Variants in FAM20C observed in about 807,000 individuals in gnomAD.
The protein encoded by FAM20C is FAM20C golgi associated secretory pathway kinase.
In FAM20C, 40 loss-of-function variants were observed where a neutral mutation model predicts 51.5. The ratio of observed to expected loss-of-function variants is 0.78; its 90% confidence interval spans 0.60 to 1.01. The LOEUF (loss-of-function observed/expected upper bound fraction) is 1.01, where lower values mean the gene tolerates loss of function less well. FAM20C is among the 50% of genes least tolerant of loss of function. The pLI is 0.00. For missense variants in FAM20C, 861 were observed against 844.7 expected (o/e 1.02, Z -0.24); for synonymous variants, 406 against 380.6 (o/e 1.07, Z -0.78).
At chr7:205,900 C>T (rs556905119) in intron 2 of FAM20C, among the ~76,000 whole-genome samples, 5 of 152,120 alleles carry the variant, frequency 3.3e-5, no homozygotes, top group East Asian at 3.9e-4. Context: ...CCTGAGACCT[C>T]GGTTCCTCTG....
At chr7:235,615 C>T (rs1275508141) in intron 3 of FAM20C, among the ~76,000 whole-genome samples, 2 of 152,236 alleles carry the variant, frequency 1.3e-5, no homozygotes, top group East Asian at 1.9e-4. Flanking sequence ...GGGTAGCTGG[C>T]GCTTCCCTGA....
intron 5 of FAM20C, among the ~76,000 whole-genome samples, chr7:253,751 TA>T (rs1344974788): frequency 6.8e-6 from 1 of 147,454 alleles, no homozygotes; most frequent in Non-Finnish European, 1.5e-5. Context: ...GCCCCTTTAA[TA>T]CCCGATTTGG....
intron 2 of FAM20C, among the ~76,000 whole-genome samples, chr7:206,440 T>A (rs975097186): frequency 6.6e-6 from 1 of 151,812 alleles, no homozygotes; most frequent in Non-Finnish European, 1.5e-5. Context: ...CCATCCCACC[T>A]TTGCACCCTC....
rs138087711 is a variant in FAM20C, at chr7:256,614, A to G, written c.1254-40A>G. The G allele has an allele frequency of 2.3e-5, 35 of 1,492,228 alleles. No individual in the cohort carries two copies. The East Asian group carries it at 8.6e-4, about 37-fold the overall frequency. 92.4% of individuals were successfully genotyped at this position (1,492,228 alleles called of 1,614,324 possible). On this transcript the variant is annotated intron_variant, in intron 6 of 9. Coordinates refer to ENST00000313766, the MANE Select transcript of FAM20C (RefSeq NM_020223.4). ...CATGGCACGCGCCGGGCTCCCCAGAATCTGGCCTGGGCCCCCCGTCTCACG... is the reference window on the plus strand; with the variant it reads ...CATGGCACGCGCCGGGCTCCCCAGAGTCTGGCCTGGGCCCCCCGTCTCACG...
chr7:200,763 T>G (rs1462137161), intron 2 of FAM20C, among the ~76,000 whole-genome samples: 1 of 152,160 alleles, frequency 6.6e-6, no homozygotes, highest in African/African-American at 2.4e-5. Flanking sequence ...GACGGGACTT[T>G]GGGCAGTGCT....
intron 3 of FAM20C, among the ~76,000 whole-genome samples, chr7:234,401 C>G (rs1787789725): frequency 6.6e-6 from 1 of 151,982 alleles, no homozygotes; most frequent in African/African-American, 2.4e-5. Context: ...GATCTCGCCT[C>G]ACAGGCAGTG....
intron 1 of FAM20C, chr7:194,025 T>C: frequency 6.1e-6 from 4 of 650,934 alleles, no homozygotes; most frequent in Non-Finnish European, 9.2e-6. Flanking sequence ...CTGTGCCCTG[T>C]GGCTGCTGGT....
chr7:234,876 A>G (rs1055724078), intron 3 of FAM20C, among the ~76,000 whole-genome samples: 1 of 151,966 alleles, frequency 6.6e-6, no homozygotes, highest in East Asian at 1.9e-4. Context: ...ACGGCACTGC[A>G]TGTCTCATGG....
chr7:209,051 G>T, intron 3 of FAM20C, 75 bp downstream of exon 3: 1 of 1,421,156 alleles, frequency 7.0e-7, no homozygotes, highest in Non-Finnish European at 9.7e-7. Context: ...CTTCTGCTGG[G>T]GATGGCCGTG....
intron 2 of FAM20C, among the ~76,000 whole-genome samples, chr7:204,247 G>C (rs1181800333): frequency 6.6e-6 from 1 of 152,226 alleles, no homozygotes; most frequent in African/African-American, 2.4e-5. Flanking sequence ...TGAGAAGCCG[G>C]GATGGAGCCC....
chr7:254,248 G>A (rs760086479), intron 5 of FAM20C, among the ~76,000 whole-genome samples: 11 of 152,176 alleles, frequency 7.2e-5, no homozygotes, highest in Admixed American at 1.3e-4. Context: ...TGTTCACTCC[G>A]CTGGGAAGCG....
intron 3 of FAM20C, among the ~76,000 whole-genome samples, chr7:243,048 A>ACCCG (rs1788002850): frequency 1.8e-4 from 21 of 116,658 alleles, no homozygotes; most frequent in African/African-American, 6.3e-4. Flanking sequence ...TGTGCCACCC[A>ACCCG]GGAGACCTGT....
In FAM20C at chr7:235,494, A is replaced by G. The variant is rs1163814155; in HGVS notation, c.864-10921A>G. On this transcript the variant is annotated intron_variant, in intron 3 of 9. Transcript: ENST00000313766. ...GGTGAAGTTCTATTCCACCCTGCACATAGTCAGCTTGTTTGTTTTAATAAT... is the reference window on the plus strand; with the variant it reads ...GGTGAAGTTCTATTCCACCCTGCACGTAGTCAGCTTGTTTGTTTTAATAAT... Among the ~76,000 whole-genome samples the G allele has an allele frequency of 3.9e-5, 6 of 151,916 alleles. No individual in the cohort carries two copies. In the East Asian group the frequency reaches 9.8e-4, roughly 25 times the overall value.
At chr7:216,684 A>AGTGTGT (rs1176075605) in intron 3 of FAM20C, among the ~76,000 whole-genome samples, 23 of 149,486 alleles carry the variant, frequency 1.5e-4, no homozygotes, top group African/African-American at 5.0e-4. Flanking sequence ...TGTGTGTGAG[A>AGTGTGT]GTGTGTGTGT....
rs191892670 is a variant in FAM20C, at chr7:257,175, G to C, written c.1445+89G>C. The C allele has an allele frequency of 5.9e-4, 733 of 1,249,160 alleles. 4 individuals are homozygous for C. In the African/African-American group the frequency reaches 9.7e-3, roughly 17 times the overall value. The allele number at this position is 1,249,160 out of a possible 1,614,324, so 77.4% of individuals were successfully genotyped here. A position where few individuals can be genotyped will look rare whatever the true frequency, so the allele number is the denominator to read the frequency against. On this transcript the variant is annotated intron_variant, in intron 8 of 9. Coordinates refer to ENST00000313766, the MANE Select transcript of FAM20C (RefSeq NM_020223.4). ...CCACCTGAGACCCTGGGGACGGGGG[G>C]AGCAGACCCTCCAGTGGAGGGATGG...
rs766020600 is a variant in FAM20C, at chr7:259,878, C to T, written c.1653C>T (p.Arg551=). 1.2e-4 allele frequency: 186 copies of T among 1,536,202 alleles called. No homozygotes were observed. The Middle Eastern group carries it at 3.3e-3, about 28-fold the overall frequency. Residue 551 remains arginine, a synonymous_variant, in exon 10 of 10, where the codon CGC becomes CGT. Coordinates refer to ENST00000313766, the MANE Select transcript of FAM20C (RefSeq NM_020223.4). ...PHLEALDRRL[R]VVLKAVRDCV... ...TGGAGGCCCTGGACCGGCGGCTCCGCGTCGTGCTAAAGGCCGTCCGGGACT... is the reference window on the plus strand; with the variant it reads ...TGGAGGCCCTGGACCGGCGGCTCCGTGTCGTGCTAAAGGCCGTCCGGGACT...
chr7:193,040 C>A lies in FAM20C; in HGVS notation c.-160C>A. 1 of 388,498 alleles carries A rather than the reference C, an allele frequency of 2.6e-6. No homozygotes were observed. Among genetic ancestry groups the A allele is most frequent in the Non-Finnish European group, 3.9e-6 (1 of 257,482 alleles). 24.1% of individuals were successfully genotyped at this position (388,498 alleles called of 1,614,324 possible). A position where few individuals can be genotyped will look rare whatever the true frequency, so the allele number is the denominator to read the frequency against. ...GGGGACCCAGCGCTCCGGCGGCGGG[C>A]GCCCTGCACGCGGCCCGGGCCCGGG... On this transcript the variant is annotated 5_prime_UTR_variant, in exon 1 of 10. Transcript: ENST00000313766.
intron 3 of FAM20C, among the ~76,000 whole-genome samples, chr7:243,941 A>ATT (rs1554254455): frequency 2.5e-4 from 28 of 112,016 alleles, no homozygotes; most frequent in East Asian, 9.1e-4. Flanking sequence ...TAATAATAAT[A>ATT]ATAATTATTA....
intron 3 of FAM20C, among the ~76,000 whole-genome samples, chr7:240,908 G>A (rs1349439735): frequency 3.3e-5 from 5 of 152,298 alleles, no homozygotes; most frequent in South Asian, 2.1e-4. Context: ...GGAGGGCTGC[G>A]GGCTTGAGTC....
Sources: gnomAD v4.1 joint callset for allele counts (sites outside exome capture counted in the v4.1 genomes callset) on GRCh38, gnomAD v4.1.1 for gene constraint, MANE v1.5 for transcripts, NCBI Gene and HGNC (gene_info 2026-07-23, HGNC 2026-07-21) for gene names.